BCAS3: variants seen among roughly 807,000 people sequenced by gnomAD.
The protein encoded by BCAS3 is BCAS3 microtubule associated cell migration factor.
A neutral mutation model predicts 116.1 loss-of-function variants in BCAS3; 53 were observed. The observed-to-expected ratio is 0.46, with a 90% CI of 0.37 to 0.57. The LOEUF (loss-of-function observed/expected upper bound fraction) is 0.57, where lower values mean the gene tolerates loss of function less well. Among genes scored for constraint, BCAS3 ranks in the 20% least tolerant of loss-of-function variants. The pLI is 0.00. For missense variants in BCAS3, 917 were observed against 1,165.4 expected, an observed-to-expected ratio of 0.79 and a Z score of 3.10; for synonymous variants, 391 against 408.2, an observed-to-expected ratio of 0.96 and a Z score of 0.51.
At chr17:61,142,174 A>G (rs986317669) in intron 22 of BCAS3, among the ~76,000 whole-genome samples, 11 of 152,046 alleles carry the variant, frequency 7.2e-5, no homozygotes, top group Non-Finnish European at 1.6e-4. Context: ...CTTGTTGACA[A>G]TCTGCTAGGT....
chr17:60,985,056 A>G (rs554499723), intron 14 of BCAS3, among the ~76,000 whole-genome samples: 19 of 151,538 alleles, frequency 1.3e-4, no homozygotes, highest in African/African-American at 4.1e-4. Context: ...CGGGCATACA[A>G]TGTCAAATAA....
Position 61,363,700 on chromosome 17 carries a change from A to G in BCAS3, c.2426-4627A>G, listed in dbSNP as rs116932331. Among the ~76,000 whole-genome samples, 554 of 152,296 alleles carry G rather than the reference A, an allele frequency of 3.6e-3. No homozygotes were observed. The highest frequency in any genetic ancestry group is 6.4e-3 in the Admixed American group (98 of 15,292). ...TTGTAAATAGCAGAGCACTGCTTCA[A>G]CAAAAGATGTCTGTTGCCAAGAGTG... On this transcript the variant is annotated intron_variant, in intron 22 of 23. Transcript: ENST00000407086. This position sits in a 1 kb window ranked among gnomAD's most constrained non-coding sequence, Gnocchi z 4.9.
At chr17:61,336,446 A>G (rs2056730038) in intron 22 of BCAS3, among the ~76,000 whole-genome samples, 1 of 151,670 alleles carries the variant, frequency 6.6e-6, no homozygotes, top group Admixed American at 6.6e-5. Context: ...GCGTCCTCCC[A>G]CGGAGAGCTT....
rs536500679 is a variant in BCAS3 at position 60,725,824 on chromosome 17, C to T, written c.321+16499C>T. Among the ~76,000 whole-genome samples, 6 of 151,924 alleles carry T rather than the reference C, an allele frequency of 3.9e-5. No individual in the cohort carries two copies. The South Asian group carries it at 1.0e-3, about 26-fold the overall frequency. ...AGAGCCCCCAAAGAATGACAGGATGCCTGGGGGAGGGTTTTTTTTTCTTTT... is the reference window on the plus strand; with the variant it reads ...AGAGCCCCCAAAGAATGACAGGATGTCTGGGGGAGGGTTTTTTTTTCTTTT... On this transcript the variant is annotated intron_variant, in intron 5 of 23. Coordinates refer to ENST00000407086, the MANE Select transcript of BCAS3 (RefSeq NM_017679.5).
At chr17:61,304,494 G>A (rs371317820) in intron 22 of BCAS3, among the ~76,000 whole-genome samples, 2 of 152,116 alleles carry the variant, frequency 1.3e-5, no homozygotes, top group African/African-American at 4.8e-5. Context: ...TCTTGCTCTT[G>A]TTTTTTCCAT....
Position 61,348,914 on chromosome 17 carries a change from G to A in BCAS3, c.2426-19413G>A, listed in dbSNP as rs1044168557. On this transcript the variant is annotated intron_variant, in intron 22 of 23. Transcript: ENST00000407086. This position sits in a 1 kb window ranked among gnomAD's most constrained non-coding sequence, Gnocchi z 4.5. ...ACTACAGGCGCCCACCGCCACACAC[G>A]GCTAACTTTTTGTATTTTTGGTAGA... is the stretch of plus-strand genomic sequence containing the variant. Among the ~76,000 whole-genome samples the A allele has an allele frequency of 3.3e-5, 5 of 152,034 alleles. No homozygotes were observed. The highest frequency in any genetic ancestry group is 1.3e-4 in the Admixed American group (2 of 15,276).
At chr17:61,292,576 C>T (rs1452454719) in intron 22 of BCAS3, among the ~76,000 whole-genome samples, 2 of 152,032 alleles carry the variant, frequency 1.3e-5, no homozygotes, top group Non-Finnish European at 2.9e-5. Flanking sequence ...CGCTTGAACC[C>T]AGGAGGCAGA....
rs1243810690 is a variant in BCAS3 at position 61,012,829 on chromosome 17, C to G, written c.1487-2922C>G. On this transcript the variant is annotated intron_variant, in intron 15 of 23. Coordinates refer to ENST00000407086, the MANE Select transcript of BCAS3 (RefSeq NM_017679.5). The surrounding 1 kb of genome is among the most constrained non-coding windows in gnomAD (Gnocchi z 4.5). Reference sequence around the variant, plus strand: ...ACAGATTTGGAACTTCTCAGTGAATCACTTCATTTTCCTAGACCACTCCTT... The same window carrying G: ...ACAGATTTGGAACTTCTCAGTGAATGACTTCATTTTCCTAGACCACTCCTT... 6.6e-6 allele frequency among the ~76,000 whole-genome samples: 1 copy of G among 152,058 alleles called. No individual in the cohort carries two copies. The highest frequency in any genetic ancestry group is 1.5e-5 in the Non-Finnish European group (1 of 67,972).
chr17:60,768,481 A>G (rs532112133), intron 6 of BCAS3, among the ~76,000 whole-genome samples: 2 of 152,194 alleles, frequency 1.3e-5, no homozygotes, highest in African/African-American at 2.4e-5. Flanking sequence ...GCTGTCGAAC[A>G]TCGGACTCCA....
At chr17:60,854,892 G>C (rs906109658) in intron 7 of BCAS3, among the ~76,000 whole-genome samples, 1 of 150,260 alleles carries the variant, frequency 6.7e-6, no homozygotes, top group Non-Finnish European at 1.5e-5. Flanking sequence ...TTAACAAACT[G>C]TGGTATATTC....
rs572675345 is a variant in BCAS3, at chr17:61,317,159, C to G, written c.2426-51168C>G. Among the ~76,000 whole-genome samples, 7 of 152,288 alleles carry G rather than the reference C, an allele frequency of 4.6e-5. 1 individual carries two copies. In the South Asian group the frequency reaches 1.0e-3, roughly 23 times the overall value. On this transcript the variant is annotated intron_variant, in intron 22 of 23. Coordinates refer to ENST00000407086, the MANE Select transcript of BCAS3 (RefSeq NM_017679.5). ...TATATCCATCATATTATATTTAGCT[C>G]TTATGCCCTAGGTATTTGATCAATT...
At position 61,015,863 on chromosome 17, in the gene BCAS3, G is replaced by A. The variant is rs776783942; in HGVS notation, c.1599G>A (p.Lys533=). 1.2e-6 allele frequency: 2 copies of A among 1,614,050 alleles called. No individual in the cohort carries two copies. Among genetic ancestry groups the A allele is most frequent in the South Asian group, 2.2e-5 (2 of 91,084 alleles). Reference sequence around the variant, plus strand: ...TAGTGATGCCTCTTGCACAAATCAAGCAGCCAATGACATTGGGGACCATCA... The same window carrying A: ...TAGTGATGCCTCTTGCACAAATCAAACAGCCAATGACATTGGGGACCATCA... ...LMVVMPLAQI[K]QPMTLGTITK... is the part of the protein sequence containing the mutation. The change falls in exon 16 of 24, where the codon AAG becomes AAA. Residue 533 remains lysine, a synonymous_variant. Coordinates refer to ENST00000407086, the MANE Select transcript of BCAS3 (RefSeq NM_017679.5).
Position 61,021,260 on chromosome 17 carries a change from A to G in BCAS3, c.1637+5359A>G, listed in dbSNP as rs1219755981. On this transcript the variant is annotated intron_variant, in intron 16 of 23. Transcript: ENST00000407086. The surrounding 1 kb of genome is among the most constrained non-coding windows in gnomAD (Gnocchi z 4.6). ...TTTTTTGTAGAGATTGGGTTTCTCT[A>G]TGTTGCCCAAGCTGGTCTTGAACTC... Among the ~76,000 whole-genome samples the G allele has an allele frequency of 1.3e-5, 2 of 152,100 alleles. No homozygotes were observed. The highest frequency in any genetic ancestry group is 1.9e-4 in the East Asian group (1 of 5,192).
At chr17:60,727,530 A>G (rs1479738940) in intron 5 of BCAS3, 5 of 1,316,206 alleles carry the variant, frequency 3.8e-6, no homozygotes, top group African/African-American at 1.5e-5. Flanking sequence ...GAGAAATGGC[A>G]TCTGAGACTC....
chr17:61,247,511 G>C (rs2048063259), intron 22 of BCAS3, among the ~76,000 whole-genome samples: 1 of 152,122 alleles, frequency 6.6e-6, no homozygotes. Context: ...AAGATAGAAA[G>C]TAAAATAAAA....
At chr17:60,718,780 G>C (rs963487382) in intron 5 of BCAS3, among the ~76,000 whole-genome samples, 15 of 152,050 alleles carry the variant, frequency 9.9e-5, no homozygotes, top group African/African-American at 3.6e-4. Context: ...TTTAGTTGTA[G>C]GCTGGGTGCT....
intron 6 of BCAS3, among the ~76,000 whole-genome samples, chr17:60,758,889 G>C (rs2043239991): frequency 6.6e-6 from 1 of 152,012 alleles, no homozygotes; most frequent in Admixed American, 6.6e-5. Context: ...TGGTTGTTCA[G>C]GAGTATCCTA....
intron 14 of BCAS3, among the ~76,000 whole-genome samples, chr17:60,989,601 T>C (rs2063396197): frequency 6.6e-6 from 1 of 151,142 alleles, no homozygotes; most frequent in Admixed American, 6.6e-5. Context: ...TACAAGGCCA[T>C]ATGGCCTCTT....
chr17:61,201,099 A>G (rs1461114335), intron 22 of BCAS3, among the ~76,000 whole-genome samples: 1 of 151,908 alleles, frequency 6.6e-6, no homozygotes, highest in Non-Finnish European at 1.5e-5. Context: ...AAACATTAAG[A>G]TAATGTTGAA....
Sources: allele counts gnomAD v4.1 joint callset (sites outside exome capture counted in the v4.1 genomes callset), GRCh38; gene constraint gnomAD v4.1.1; non-coding constraint Gnocchi (gnomAD v3.1); transcripts MANE v1.5; gene names NCBI Gene and HGNC (gene_info 2026-07-23, HGNC 2026-07-21).